The following PTH2R variants were observed in gnomAD, a reference collection of about 807,000 sequenced individuals.
The protein encoded by PTH2R is PTH2 receptor.
Under a neutral mutation model 60.3 loss-of-function variants are expected in PTH2R, and 59 were observed. The ratio of observed to expected loss-of-function variants is 0.98; its 90% CI spans 0.79 to 1.22. PTH2R has a LOEUF of 1.22. Ranked by LOEUF, PTH2R falls within the 50% of genes most tolerant of loss-of-function variation. The pLI is 0.00. For missense variants in PTH2R, 749 were observed against 682.6 expected, an observed-to-expected ratio of 1.10 and a Z score of -1.08; for synonymous variants, 256 against 243.8, an observed-to-expected ratio of 1.05 and a Z score of -0.47.
intron 1 of PTH2R, among the ~76,000 whole-genome samples, chr2:208,372,517 T>G (rs908073665): frequency 2.0e-5 from 3 of 152,078 alleles, no homozygotes; most frequent in Non-Finnish European, 4.4e-5. Flanking sequence ...ATTAAAATGT[T>G]CACAAGTAGG....
At chr2:208,431,858 T>A (rs1176685478) in intron 2 of PTH2R, among the ~76,000 whole-genome samples, 3 of 152,222 alleles carry the variant, frequency 2.0e-5, no homozygotes, top group Non-Finnish European at 4.4e-5. Context: ...ATGTAGAGCT[T>A]GCTGCTCCTA....
rs1437991459 is a variant in PTH2R at position 208,489,034 on chromosome 2, G to A, written c.1099G>A (p.Val367Ile). The change falls in exon 11 of 13, where the codon GTC becomes ATC. Residue 367 changes from valine (V) to isoleucine (I), a missense_variant. By Grantham distance (29) the Val-to-Ile change is conservative. Coordinates refer to ENST00000272847, the MANE Select transcript of PTH2R (RefSeq NM_005048.4). ...QYRKLAKSTL[V>I]LVLVFGVHYI... is the part of the protein sequence containing the mutation. Reference sequence around the variant, plus strand: ...TAGGAAACTGGCCAAATCGACACTGGTCCTGGTCCTAGTCTTTGGAGTGCA... The same window carrying A: ...TAGGAAACTGGCCAAATCGACACTGATCCTGGTCCTAGTCTTTGGAGTGCA... 2.5e-6 allele frequency: 4 copies of A among 1,614,016 alleles called. No individual in the cohort carries two copies. In the African/African-American group the frequency reaches 4.0e-5, roughly 16 times the overall value.
At chr2:208,433,286 G>T (rs1181823635) in intron 2 of PTH2R, among the ~76,000 whole-genome samples, 3 of 152,164 alleles carry the variant, frequency 2.0e-5, no homozygotes, top group Admixed American at 6.5e-5. Context: ...AAATAAGACA[G>T]AATTAAATGT....
At chr2:208,486,849 T>C (rs146851088) in intron 10 of PTH2R, among the ~76,000 whole-genome samples, 384 of 152,262 alleles carry the variant, frequency 2.5e-3, no homozygotes, top group Non-Finnish European at 4.8e-3. Flanking sequence ...ATGGAATAGA[T>C]TTAAGGTAGA....
intron 1 of PTH2R, chr2:208,360,944 G>T (rs1242403349): frequency 4.5e-6 from 1 of 222,832 alleles, no homozygotes; most frequent in Non-Finnish European, 9.5e-6. Context: ...GCATTAGCCA[G>T]GAGCACGTTG....
Position 208,474,891 on chromosome 2 carries a change from CTG to C in PTH2R, c.982-6177_982-6176del, listed in dbSNP as rs3835874. ...TTGATTCTGACATCTGTATGAGAGA[CTG>C]TACTCTTGATGCAACCTTCTAAGAA... is the stretch of plus-strand genomic sequence containing the variant. On this transcript the variant is annotated intron_variant, in intron 9 of 12. Coordinates refer to ENST00000272847, the MANE Select transcript of PTH2R (RefSeq NM_005048.4). Among the ~76,000 whole-genome samples the C allele has an allele frequency of 2.0e-5, 3 of 152,134 alleles. No individual in the cohort carries two copies. In the East Asian group the frequency reaches 5.8e-4, roughly 29 times the overall value.
chr2:208,438,324 C>T (rs777076909), intron 4 of PTH2R, among the ~76,000 whole-genome samples: 1 of 152,082 alleles, frequency 6.6e-6, no homozygotes, highest in Non-Finnish European at 1.5e-5. Flanking sequence ...TAGATGATCT[C>T]ATTAGCGTAT....
At chr2:208,388,132 A>AC (rs55810977) in intron 1 of PTH2R, among the ~76,000 whole-genome samples, 48,231 of 131,096 alleles carry the variant, frequency 0.37, 9,848 homozygotes, top group Admixed American at 0.43. Flanking sequence ...ACATGGTGAA[A>AC]CCCCCCCCCC....
At chr2:208,400,218 A>G (rs948668389) in intron 1 of PTH2R, among the ~76,000 whole-genome samples, 1 of 152,214 alleles carries the variant, frequency 6.6e-6, no homozygotes, top group African/African-American at 2.4e-5. Flanking sequence ...TTGTTTATTG[A>G]AAACAAAATA....
At chr2:208,394,861 T>A (rs536532741) in intron 1 of PTH2R, among the ~76,000 whole-genome samples, 2 of 152,252 alleles carry the variant, frequency 1.3e-5, no homozygotes, top group South Asian at 4.1e-4. Flanking sequence ...TATTAAGTAC[T>A]TATTAAGTAC....
At chr2:208,380,167 G>T (rs889005685) in intron 1 of PTH2R, among the ~76,000 whole-genome samples, 1 of 152,064 alleles carries the variant, frequency 6.6e-6, no homozygotes, top group African/African-American at 2.4e-5. Context: ...CATTTAACAT[G>T]TCAATTATTC....
At chr2:208,467,455 G>T (rs1702778958) in intron 9 of PTH2R, among the ~76,000 whole-genome samples, 1 of 152,152 alleles carries the variant, frequency 6.6e-6, no homozygotes, top group Admixed American at 6.5e-5. Context: ...CAAAGAGAAA[G>T]AAATCTCACT....
At chr2:208,445,425 A>T (rs1278872727) in intron 7 of PTH2R, among the ~76,000 whole-genome samples, 1 of 152,206 alleles carries the variant, frequency 6.6e-6, no homozygotes, top group African/African-American at 2.4e-5. Context: ...ATAAGTAATT[A>T]AAAAAGTATT....
chr2:208,479,141 G>A (rs1816613), intron 9 of PTH2R, among the ~76,000 whole-genome samples: 88,542 of 151,818 alleles, frequency 0.58, 27,906 homozygotes, highest in Non-Finnish European at 0.69. Flanking sequence ...TCTTTCCATA[G>A]TCAATTTGGT....
At chr2:208,380,282 A>T (rs1009306605) in intron 1 of PTH2R, among the ~76,000 whole-genome samples, 4 of 152,170 alleles carry the variant, frequency 2.6e-5, no homozygotes, top group African/African-American at 9.7e-5. Flanking sequence ...AAGTGACAGG[A>T]CATAAACTTT....
chr2:208,375,116 TTTG>T (rs1700770372), intron 1 of PTH2R, among the ~76,000 whole-genome samples: 1 of 152,068 alleles, frequency 6.6e-6, no homozygotes, highest in South Asian at 2.1e-4. Flanking sequence ...AGAGATGAGA[TTTG>T]TTTTTACTTT....
In PTH2R at chr2:208,378,136, C is replaced by T. The variant is rs1435418873; in HGVS notation, c.-259+17899C>T. ...CTGCAATCCCGGCACCTCGGGAGGCCGAGGCTGGCGGATCACTCGCGGTTA... is the reference window on the plus strand; with the variant it reads ...CTGCAATCCCGGCACCTCGGGAGGCTGAGGCTGGCGGATCACTCGCGGTTA... On this transcript the variant is annotated intron_variant, in intron 1 of 12. Coordinates refer to the PTH2R transcript ENST00000617735. Among the ~76,000 whole-genome samples, 32 of 151,982 alleles carry T rather than the reference C, an allele frequency of 2.1e-4. 1 individual carries two copies. Among genetic ancestry groups the T allele is most frequent in the East Asian group, 1.4e-3 (7 of 5,174 alleles).
chr2:208,453,911 A>T (rs999308372), intron 8 of PTH2R, among the ~76,000 whole-genome samples: 2 of 152,232 alleles, frequency 1.3e-5, no homozygotes, highest in Admixed American at 6.5e-5. Flanking sequence ...GTAAAGAAAC[A>T]GTAACTTTTA....
intron 1 of PTH2R, among the ~76,000 whole-genome samples, chr2:208,367,424 C>CTTTTTT (rs141555131): frequency 5.4e-5 from 7 of 129,010 alleles, no homozygotes; most frequent in South Asian, 4.8e-4. Context: ...TTTTCTCTTT[C>CTTTTTT]TTTTTTTTTT....
Sources: allele counts gnomAD v4.1 joint callset (sites outside exome capture counted in the v4.1 genomes callset), GRCh38; gene constraint gnomAD v4.1.1; transcripts MANE v1.5; gene names NCBI Gene and HGNC (gene_info 2026-07-23, HGNC 2026-07-21).